GRM7: variants seen among roughly 807,000 people sequenced by gnomAD.
The protein encoded by GRM7 is glutamate metabotropic receptor 7, also known as metabotropic glutamate receptor 7.
GRM7 carries 35 observed loss-of-function variants against 84.5 expected under a neutral mutation model. The observed-to-expected ratio is 0.41, with a 90% CI of 0.32 to 0.55. The LOEUF (loss-of-function observed/expected upper bound fraction) is 0.55. GRM7 is among the 20% of genes least tolerant of loss of function. The probability of loss-of-function intolerance (pLI) is 0.19; values close to 1 mark genes in which losing one functional copy is unlikely to be tolerated. For synonymous variants in GRM7, 487 were observed against 455.1 expected (o/e 1.07, Z -0.89); for missense variants, 1,003 against 1,194.6 (o/e 0.84, Z 2.36).
chr3:6,975,447 A>T (rs895855321), intron 1 of GRM7, among the ~76,000 whole-genome samples: 1 of 152,124 alleles, frequency 6.6e-6, no homozygotes, highest in Non-Finnish European at 1.5e-5. Context: ...TTGGAAAATC[A>T]TTTCACTTCT....
At chr3:7,637,229 A>C (rs560558046) in intron 8 of GRM7, among the ~76,000 whole-genome samples, 1 of 152,304 alleles carries the variant, frequency 6.6e-6, no homozygotes, top group East Asian at 1.9e-4. Context: ...CTATAACCTT[A>C]AATTCCTGGG....
At chr3:7,550,909 T>C (rs1359178077) in intron 7 of GRM7, among the ~76,000 whole-genome samples, 2 of 152,148 alleles carry the variant, frequency 1.3e-5, no homozygotes, top group African/African-American at 4.8e-5. Context: ...CTCAATAAAA[T>C]GTGGAAGCAG....
intron 2 of GRM7, among the ~76,000 whole-genome samples, chr3:7,234,898 A>T (rs1697301300): frequency 6.6e-6 from 1 of 152,036 alleles, no homozygotes; most frequent in African/African-American, 2.4e-5. Context: ...CCTTCATTAA[A>T]CTCATTAAAG....
At chr3:7,277,959 T>G (rs1463412341) in intron 2 of GRM7, among the ~76,000 whole-genome samples, 1 of 152,108 alleles carries the variant, frequency 6.6e-6, no homozygotes, top group Non-Finnish European at 1.5e-5. Flanking sequence ...TTAAGAATTC[T>G]GAAGTCATAC....
intron 1 of GRM7, among the ~76,000 whole-genome samples, chr3:6,881,372 ATAAG>A (rs1277819790): frequency 6.6e-6 from 1 of 152,230 alleles, no homozygotes; most frequent in East Asian, 1.9e-4. Flanking sequence ...GCTCCCATTT[ATAAG>A]TGAGAACATG....
intron 7 of GRM7, among the ~76,000 whole-genome samples, chr3:7,489,754 T>C (rs1699454385): frequency 6.6e-6 from 1 of 152,088 alleles, no homozygotes; most frequent in Non-Finnish European, 1.5e-5. Flanking sequence ...CATATATTCA[T>C]ATAATGAGGT....
At chr3:7,323,748 A>G (rs1700876101) in intron 4 of GRM7, among the ~76,000 whole-genome samples, 1 of 152,174 alleles carries the variant, frequency 6.6e-6, no homozygotes, top group Non-Finnish European at 1.5e-5. Flanking sequence ...TTGTTACAGA[A>G]ATATTTCTAA....
At chr3:7,016,984 CAG>C (rs1436212043) in intron 1 of GRM7, among the ~76,000 whole-genome samples, 2 of 152,158 alleles carry the variant, frequency 1.3e-5, no homozygotes, top group Admixed American at 6.5e-5. Context: ...GGAGGGAAAA[CAG>C]AGTCTTAGGC....
chr3:7,705,795 C>T (rs1179898162), intron 9 of GRM7, among the ~76,000 whole-genome samples: 5 of 152,122 alleles, frequency 3.3e-5, no homozygotes, highest in African/African-American at 1.2e-4. Flanking sequence ...TATTTGCAGA[C>T]CAGTTCAGGA....
intron 4 of GRM7, among the ~76,000 whole-genome samples, chr3:7,343,984 C>T (rs747349179): frequency 1.3e-5 from 2 of 152,100 alleles, no homozygotes; most frequent in African/African-American, 2.4e-5. Context: ...TTTGTCTGAA[C>T]TTAAAATCAG....
chr3:7,458,247 C>T (rs1288227924), intron 6 of GRM7, among the ~76,000 whole-genome samples: 1 of 152,166 alleles, frequency 6.6e-6, no homozygotes, highest in Non-Finnish European at 1.5e-5. Context: ...TGTTACCCAT[C>T]TTGTCAGGTG....
At chr3:7,533,937 A>C (rs1207346958) in intron 7 of GRM7, among the ~76,000 whole-genome samples, 2 of 151,636 alleles carry the variant, frequency 1.3e-5, no homozygotes, top group East Asian at 3.9e-4. Flanking sequence ...GTACATTTTT[A>C]CCATGCTCAT....
At chr3:7,046,743 G>A (rs1367654577) in intron 1 of GRM7, among the ~76,000 whole-genome samples, 3 of 152,034 alleles carry the variant, frequency 2.0e-5, no homozygotes, top group Non-Finnish European at 2.9e-5. Flanking sequence ...ATTTTTGAGG[G>A]TCCAGAGGGT....
chr3:7,146,834 G>C (rs1468265181), intron 2 of GRM7, among the ~76,000 whole-genome samples, 166 bp downstream of exon 2: 1 of 152,074 alleles, frequency 6.6e-6, no homozygotes, highest in Non-Finnish European at 1.5e-5. Flanking sequence ...TTTTTGGAGA[G>C]ATTTTTGAAG....
rs148185154 is a variant in GRM7 at position 7,106,309 on chromosome 3, A to G, written c.520-40143A>G. Among the ~76,000 whole-genome samples, 750 of 151,926 alleles carry G rather than the reference A, an allele frequency of 4.9e-3. 8 individuals carry two copies. The highest frequency in any genetic ancestry group is 0.017 in the African/African-American group (719 of 41,494). On this transcript the variant is annotated intron_variant, in intron 1 of 9. Transcript: ENST00000357716. Reference sequence around the variant, plus strand: ...TATTATACTTTAAGTTCTAGGGTACATGTGCACAACATGCATATAGTATGC... The same window carrying G: ...TATTATACTTTAAGTTCTAGGGTACGTGTGCACAACATGCATATAGTATGC...
intron 6 of GRM7, among the ~76,000 whole-genome samples, chr3:7,456,700 T>C (rs993706090): frequency 2.6e-5 from 4 of 152,062 alleles, no homozygotes; most frequent in African/African-American, 7.2e-5. Context: ...TCTCTCTTTT[T>C]TTTTTTGTCA....
chr3:7,017,118 C>T (rs909969338), intron 1 of GRM7, among the ~76,000 whole-genome samples: 1 of 152,168 alleles, frequency 6.6e-6, no homozygotes, highest in Non-Finnish European at 1.5e-5. Context: ...TCTAAGAAGA[C>T]TTCCAGTCAT....
rs535513374 is a variant in GRM7 at position 7,740,701 on chromosome 3, C to T, written c.*295C>T. 15 of 282,754 alleles carry T rather than the reference C, an allele frequency of 5.3e-5. No homozygotes were observed. Among genetic ancestry groups the T allele is most frequent in the Admixed American group, 2.1e-4 (4 of 19,046 alleles). The allele number at this position is 282,754 out of a possible 1,614,324, so 17.5% of individuals were successfully genotyped here. A position where few individuals can be genotyped will look rare whatever the true frequency, so the allele number is the denominator to read the frequency against. Reference sequence around the variant, plus strand: ...TCCCGCCCTGGCTCTTTAGAATGGACCACTGAGAGCCACAGGACCGTTTTG... The same window carrying T: ...TCCCGCCCTGGCTCTTTAGAATGGATCACTGAGAGCCACAGGACCGTTTTG... On this transcript the variant is annotated 3_prime_UTR_variant, in exon 10 of 10. Transcript: ENST00000357716.
chr3:7,322,249 C>T (rs942876552), intron 4 of GRM7, among the ~76,000 whole-genome samples: 2 of 149,738 alleles, frequency 1.3e-5, no homozygotes, highest in South Asian at 2.2e-4. Flanking sequence ...GTAAGAACTA[C>T]TTTATTGATA....
Sources: allele counts gnomAD v4.1 joint callset (sites outside exome capture counted in the v4.1 genomes callset), GRCh38; gene constraint gnomAD v4.1.1; transcripts MANE v1.5; gene names NCBI Gene and HGNC (gene_info 2026-07-23, HGNC 2026-07-21).